SDK1: variants seen among roughly 807,000 people sequenced by gnomAD.
SDK1 encodes sidekick cell adhesion molecule 1.
A neutral mutation model predicts 245.5 loss-of-function variants in SDK1; 157 were observed. The observed-to-expected ratio is 0.64, with a 90% CI of 0.56 to 0.73. The LOEUF is 0.73. Ranked by LOEUF, SDK1 falls within the 30% of genes least tolerant of loss-of-function variation. SDK1 has a pLI of 0.00. For missense variants in SDK1, 3,583 were observed against 3,002.3 expected (o/e 1.19, Z -4.52); for synonymous variants, 1,647 against 1,278.5 (o/e 1.29, Z -6.15).
Position 4,267,482 on chromosome 7 carries a change from A to G in SDK1, c.*2098A>G, listed in dbSNP as rs939034679. On this transcript the variant is annotated 3_prime_UTR_variant, in exon 45 of 45. Transcript: ENST00000404826. ...GAGACTCACCACAGTGGACAGTGCC[A>G]CCTCCTTCCCCTCGGCCCCGGAGAG... 2.0e-5 allele frequency: 20 copies of G among 985,102 alleles called. No individual in the cohort carries two copies. The highest frequency in any genetic ancestry group is 2.4e-5 in the Non-Finnish European group (20 of 829,888). The allele number at this position is 985,102 out of a possible 1,614,324, so 61.0% of individuals were successfully genotyped here. A position where few individuals can be genotyped will look rare whatever the true frequency, so the allele number is the denominator to read the frequency against.
At chr7:4,022,030 C>T (rs913503928) in intron 17 of SDK1, among the ~76,000 whole-genome samples, 5 of 152,194 alleles carry the variant, frequency 3.3e-5, no homozygotes, top group African/African-American at 1.2e-4. Flanking sequence ...TTATTTGCTG[C>T]TGGGAGCCCC....
At chr7:3,319,878 CTTT>C (rs57770805) in intron 1 of SDK1, among the ~76,000 whole-genome samples, 4,775 of 88,214 alleles carry the variant, frequency 0.054, 558 homozygotes, top group African/African-American at 0.19. Flanking sequence ...CATTCTTAGT[CTTT>C]TTTTTTTTTT....
chr7:3,830,551 A>C (rs1779888395), intron 5 of SDK1, among the ~76,000 whole-genome samples: 1 of 152,126 alleles, frequency 6.6e-6, no homozygotes. Context: ...GCTGGAGTGC[A>C]GTGGCACATT....
At chr7:3,810,168 C>A (rs887367535) in intron 4 of SDK1, among the ~76,000 whole-genome samples, 6 of 152,170 alleles carry the variant, frequency 3.9e-5, no homozygotes, top group South Asian at 2.1e-4. Flanking sequence ...GGAGCCCCCC[C>A]ATATCTGGAG....
At chr7:3,501,456 C>T (rs1782212597) in intron 1 of SDK1, among the ~76,000 whole-genome samples, 2 of 151,390 alleles carry the variant, frequency 1.3e-5, no homozygotes, top group East Asian at 1.9e-4. Flanking sequence ...TTGGCCTGTG[C>T]GTAAAATGCT....
At chr7:3,889,344 G>A (rs529964904) in intron 5 of SDK1, among the ~76,000 whole-genome samples, 10 of 152,344 alleles carry the variant, frequency 6.6e-5, no homozygotes, top group Non-Finnish European at 1.2e-4. Flanking sequence ...CCCAGAGTCA[G>A]GCCTACAGTT....
intron 4 of SDK1, among the ~76,000 whole-genome samples, chr7:3,762,150 A>C (rs187607651): frequency 1.3e-5 from 2 of 152,188 alleles, no homozygotes; most frequent in African/African-American, 4.8e-5. Flanking sequence ...TATTTCTGCT[A>C]TTGAAATCTA....
rs976183579 is a variant in SDK1 at position 4,266,403 on chromosome 7, G to A, written c.*1019G>A. The A allele has an allele frequency of 4.1e-6, 4 of 985,298 alleles. No individual in the cohort carries two copies. Among genetic ancestry groups the A allele is most frequent in the Non-Finnish European group, 4.8e-6 (4 of 829,930 alleles). 61.0% of individuals were successfully genotyped at this position (985,298 alleles called of 1,614,324 possible). On this transcript the variant is annotated 3_prime_UTR_variant, in exon 45 of 45. Coordinates refer to ENST00000404826, the MANE Select transcript of SDK1 (RefSeq NM_152744.4). ...TGCAAATAAAGCAAAACAGCTCTGA[G>A]AACACACGCTCCCGACTCGCCTCGT...
At chr7:3,334,629 C>A (rs894634484) in intron 1 of SDK1, among the ~76,000 whole-genome samples, 1 of 152,160 alleles carries the variant, frequency 6.6e-6, no homozygotes, top group Non-Finnish European at 1.5e-5. Context: ...TCTTCACTTA[C>A]AATCCAGGGC....
At chr7:4,018,845 A>C (rs1323308237) in intron 17 of SDK1, among the ~76,000 whole-genome samples, 2 of 152,146 alleles carry the variant, frequency 1.3e-5, no homozygotes, top group Non-Finnish European at 2.9e-5. Context: ...GTGGGTGTGC[A>C]GGGAATGTAG....
In SDK1 at chr7:4,139,581, G is replaced by GTATA. The variant is rs796325916; in HGVS notation, c.4229-6138_4229-6137insATAT. Among the ~76,000 whole-genome samples the GTATA allele has an allele frequency of 5.1e-4, 12 of 23,592 alleles. 5 individuals are homozygous for GTATA. Among genetic ancestry groups the GTATA allele is most frequent in the Non-Finnish European group, 6.2e-4 (7 of 11,340 alleles). The allele number at this position is 23,592 out of a possible 152,430, so 15.5% of individuals were successfully genotyped here. A position where few individuals can be genotyped will look rare whatever the true frequency, so the allele number is the denominator to read the frequency against. On this transcript the variant is annotated intron_variant, in intron 28 of 44. Coordinates refer to ENST00000404826, the MANE Select transcript of SDK1 (RefSeq NM_152744.4). ...TATATATGTGTGTATATGTGTGTGT[G>GTATA]TATGTGTGTGTATATGTATATATGT...
At chr7:3,908,113 C>G (rs1257189092) in intron 5 of SDK1, among the ~76,000 whole-genome samples, 1 of 152,132 alleles carries the variant, frequency 6.6e-6, no homozygotes, top group African/African-American at 2.4e-5. Flanking sequence ...AATGTGCTGG[C>G]TTCTGTGATA....
chr7:4,139,388 T>C (rs1210568535), intron 28 of SDK1, among the ~76,000 whole-genome samples: 2 of 150,818 alleles, frequency 1.3e-5, no homozygotes, highest in African/African-American at 4.9e-5. Context: ...TATATGTACG[T>C]GTGTGTGTAT....
intron 1 of SDK1, among the ~76,000 whole-genome samples, chr7:3,391,162 A>C: frequency 6.6e-6 from 1 of 152,190 alleles, no homozygotes; most frequent in East Asian, 1.9e-4. Flanking sequence ...AATGGACTAG[A>C]AGGAAGGTTA....
intron 1 of SDK1, among the ~76,000 whole-genome samples, chr7:3,471,459 T>A (rs1189921278): frequency 6.6e-6 from 1 of 152,218 alleles, no homozygotes; most frequent in African/African-American, 2.4e-5. Context: ...TTATTTTTAA[T>A]ATGTGTTAAT....
chr7:3,919,027 C>T (rs903823150), intron 5 of SDK1, among the ~76,000 whole-genome samples: 4 of 152,160 alleles, frequency 2.6e-5, no homozygotes, highest in East Asian at 3.8e-4. Flanking sequence ...ACTATCATTG[C>T]TAATATAATG....
At chr7:3,572,044 T>C (rs1157186998) in intron 1 of SDK1, among the ~76,000 whole-genome samples, 1 of 152,052 alleles carries the variant, frequency 6.6e-6, no homozygotes, top group Non-Finnish European at 1.5e-5. Context: ...TAACTATCAA[T>C]GCCAAACAGT....
At chr7:3,611,925 G>C (rs1183562905) in intron 1 of SDK1, among the ~76,000 whole-genome samples, 1 of 152,164 alleles carries the variant, frequency 6.6e-6, no homozygotes, top group African/African-American at 2.4e-5. Context: ...CTCTGAAAAG[G>C]AGTGAAATAA....
intron 1 of SDK1, among the ~76,000 whole-genome samples, chr7:3,431,381 T>A (rs74851903): frequency 5.4e-5 from 8 of 148,286 alleles, no homozygotes; most frequent in South Asian, 2.1e-4. Flanking sequence ...TTTTTTTTTT[T>A]AAAGCAAATT....
Sources: allele counts gnomAD v4.1 joint callset (sites outside exome capture counted in the v4.1 genomes callset), GRCh38; gene constraint gnomAD v4.1.1; transcripts MANE v1.5; gene names NCBI Gene and HGNC (gene_info 2026-07-23, HGNC 2026-07-21).